GRIK4: variants seen among roughly 807,000 people sequenced by gnomAD.
GRIK4 encodes glutamate receptor ionotropic, kainate 4.
Under a neutral mutation model 104.9 loss-of-function variants are expected in GRIK4, and 40 were observed. The ratio of observed to expected loss-of-function variants is 0.38; its 90% CI spans 0.30 to 0.50. The LOEUF is 0.50. Among genes scored for constraint, GRIK4 ranks in the 20% least tolerant of loss-of-function variants. GRIK4 has a pLI of 0.93. For synonymous variants in GRIK4, 485 were observed against 524.9 expected, an observed-to-expected ratio of 0.92 and a Z score of 1.04; for missense variants, 1,047 against 1,308.1, an observed-to-expected ratio of 0.80 and a Z score of 3.08.
intron 8 of GRIK4, among the ~76,000 whole-genome samples, chr11:120,854,836 A>C (rs1451418181): frequency 2.0e-5 from 3 of 152,238 alleles, no homozygotes; most frequent in Non-Finnish European, 4.4e-5. Flanking sequence ...AAAAAGAGAA[A>C]AATAAAGAAA....
At chr11:120,702,325 C>T (rs2135335923) in intron 3 of GRIK4, among the ~76,000 whole-genome samples, 1 of 152,148 alleles carries the variant, frequency 6.6e-6, no homozygotes, top group South Asian at 2.1e-4. Flanking sequence ...GGAGGTTGGG[C>T]TGGTTTAGGG....
At chr11:120,707,247 A>C (rs1008061320) in intron 3 of GRIK4, among the ~76,000 whole-genome samples, 5 of 152,224 alleles carry the variant, frequency 3.3e-5, no homozygotes, top group Non-Finnish European at 5.9e-5. Flanking sequence ...ACACTGTGGG[A>C]GCTGGAGCCA....
intron 3 of GRIK4, among the ~76,000 whole-genome samples, chr11:120,752,593 GT>G (rs1368776991): frequency 6.6e-6 from 1 of 152,214 alleles, no homozygotes; most frequent in Non-Finnish European, 1.5e-5. Flanking sequence ...ACATCATCTA[GT>G]TTATGTTTTT....
At chr11:120,511,924 C>T (rs1245484765) in intron 1 of GRIK4, 37 bp downstream of exon 1, 1 of 155,108 alleles carries the variant, frequency 6.4e-6, no homozygotes, top group African/African-American at 2.5e-5. Context: ...CCCCGGCCCG[C>T]TCCCTGCGCT....
At chr11:120,638,849 G>T (rs560955118) in intron 1 of GRIK4, among the ~76,000 whole-genome samples, 1 of 151,938 alleles carries the variant, frequency 6.6e-6, no homozygotes, top group Non-Finnish European at 1.5e-5. Context: ...TTTTTTCTGT[G>T]CCCTAATATC....
intron 1 of GRIK4, among the ~76,000 whole-genome samples, chr11:120,533,881 C>T (rs1413117306): frequency 1.3e-5 from 2 of 152,010 alleles, no homozygotes; most frequent in South Asian, 2.1e-4. Context: ...TGTCTCAAAA[C>T]AAAAACAAAA....
chr11:120,582,720 G>A (rs531124378), intron 1 of GRIK4, among the ~76,000 whole-genome samples: 1 of 152,204 alleles, frequency 6.6e-6, no homozygotes, highest in South Asian at 2.1e-4. Flanking sequence ...AGTATTCCAT[G>A]GTGTATATGT....
rs1490825261 is a variant in GRIK4, at chr11:120,943,146, ACACACC to A, written c.1590+2688_1590+2693del. ...CACACACACACACACACACACACAC[ACACACC>A]CCCCTGACTGTTTGGTGAGGATTCC... On this transcript the variant is annotated intron_variant, in intron 14 of 20. Transcript: ENST00000527524. 2.4e-4 allele frequency among the ~76,000 whole-genome samples: 30 copies of A among 125,498 alleles called. 1 individual carries two copies. Among genetic ancestry groups the A allele is most frequent in the African/African-American group, 7.9e-4 (21 of 26,658 alleles). 82.3% of individuals were successfully genotyped at this position (125,498 alleles called of 152,430 possible).
intron 3 of GRIK4, among the ~76,000 whole-genome samples, chr11:120,701,038 T>G (rs936334535): frequency 2.6e-5 from 4 of 152,238 alleles, no homozygotes; most frequent in Non-Finnish European, 5.9e-5. Flanking sequence ...CGCTGTTTCA[T>G]GTAGCCTAGG....
intron 7 of GRIK4, among the ~76,000 whole-genome samples, chr11:120,835,650 A>G (rs1167230894): frequency 6.6e-6 from 1 of 152,200 alleles, no homozygotes; most frequent in Non-Finnish European, 1.5e-5. Context: ...CATCCACCTC[A>G]ATAGTCATGA....
intron 1 of GRIK4, among the ~76,000 whole-genome samples, chr11:120,590,515 G>C (rs1325806493): frequency 1.3e-5 from 2 of 152,236 alleles, no homozygotes; most frequent in African/African-American, 4.8e-5. Context: ...TGCTGGCGTA[G>C]CATTGTGATT....
At chr11:120,932,444 A>C (rs1218234709) in intron 13 of GRIK4, among the ~76,000 whole-genome samples, 1 of 149,866 alleles carries the variant, frequency 6.7e-6, no homozygotes, top group East Asian at 2.0e-4. Flanking sequence ...CCATATCCTC[A>C]TCCAGAGCCA....
intron 11 of GRIK4, among the ~76,000 whole-genome samples, chr11:120,886,658 C>T (rs1483548167): frequency 6.6e-6 from 1 of 152,164 alleles, no homozygotes; most frequent in African/African-American, 2.4e-5. Flanking sequence ...CTTTATAGAA[C>T]AGAACTACCA....
intron 3 of GRIK4, among the ~76,000 whole-genome samples, chr11:120,790,537 G>GCAGCATGCTGTATT (rs1375144339): frequency 5.9e-5 from 9 of 152,168 alleles, no homozygotes; most frequent in Non-Finnish European, 1.3e-4. Context: ...ACAGGGCAAA[G>GCAGCATGCTGTATT]CAGCATGCTG....
At chr11:120,791,783 G>A (rs1035534668) in intron 3 of GRIK4, among the ~76,000 whole-genome samples, 7 of 152,044 alleles carry the variant, frequency 4.6e-5, no homozygotes, top group African/African-American at 1.7e-4. Context: ...GTAAGGATTG[G>A]GATTTCTTTA....
At chr11:120,826,907 G>A (rs1157882087) in intron 6 of GRIK4, among the ~76,000 whole-genome samples, 2 of 152,162 alleles carry the variant, frequency 1.3e-5, no homozygotes, top group East Asian at 1.9e-4. Context: ...GTGAGGGTTC[G>A]CTCCATGGAA....
chr11:120,543,590 G>A (rs1474616847), intron 1 of GRIK4, among the ~76,000 whole-genome samples: 2 of 151,970 alleles, frequency 1.3e-5, no homozygotes, highest in Non-Finnish European at 2.9e-5. Flanking sequence ...AAAAGAGAAT[G>A]TATGTTCCTC....
chr11:120,655,907 G>A (rs753841592), intron 2 of GRIK4, among the ~76,000 whole-genome samples: 9 of 152,130 alleles, frequency 5.9e-5, no homozygotes, highest in East Asian at 1.9e-4. Flanking sequence ...CATGCTGTGG[G>A]ATCCCCAGGT....
At chr11:120,574,923 CT>C (rs1199951858) in intron 1 of GRIK4, among the ~76,000 whole-genome samples, 1 of 152,192 alleles carries the variant, frequency 6.6e-6, no homozygotes, top group East Asian at 1.9e-4. Context: ...AAAGGGACCC[CT>C]GACCTCAAGG....
Sources: gnomAD v4.1 joint callset for allele counts (sites outside exome capture counted in the v4.1 genomes callset) on GRCh38, gnomAD v4.1.1 for gene constraint, MANE v1.5 for transcripts, NCBI Gene and HGNC (gene_info 2026-07-23, HGNC 2026-07-21) for gene names.